The following CADPS2 variants were observed in gnomAD, a reference collection of about 807,000 sequenced individuals.
CADPS2 encodes the protein calcium dependent secretion activator 2.
CADPS2 carries 93 observed loss-of-function variants against 172.5 expected under a neutral mutation model. The observed-to-expected ratio is 0.54, with a 90% CI of 0.46 to 0.64. CADPS2 has a LOEUF of 0.64. Ranked by LOEUF, CADPS2 falls within the 30% of genes least tolerant of loss-of-function variation. CADPS2 has a pLI of 0.00. For missense variants in CADPS2, 1,420 were observed against 1,565.9 expected (o/e 0.91, Z 1.57); for synonymous variants, 546 against 555.2 (o/e 0.98, Z 0.23).
In CADPS2 at chr7:122,438,867, T is replaced by A. The variant is rs558407209; in HGVS notation, c.2353-403A>T. ...CCTAATTTAAAAGCCTTGAGTCTTT[T>A]GAGCAATATATTTGAGAACAATAAC... On this transcript the variant is annotated intron_variant, in intron 16 of 29. Transcript: ENST00000449022. Among the ~76,000 whole-genome samples the A allele has an allele frequency of 4.6e-5, 7 of 152,174 alleles. No homozygotes were observed. The South Asian group carries it at 1.2e-3, about 27-fold the overall frequency.
intron 8 of CADPS2, among the ~76,000 whole-genome samples, chr7:122,539,524 CA>C (rs1490192424): frequency 2.0e-5 from 3 of 151,918 alleles, no homozygotes; most frequent in African/African-American, 7.3e-5. Context: ...TTAAGTAAAA[CA>C]AAAGAGGGGC....
At chr7:122,359,360 A>T (rs798688) in intron 27 of CADPS2, among the ~76,000 whole-genome samples, 1 of 152,082 alleles carries the variant, frequency 6.6e-6, no homozygotes, top group Non-Finnish European at 1.5e-5. Flanking sequence ...ATTAAACAGC[A>T]CCCAAGTGAA....
intron 4 of CADPS2, among the ~76,000 whole-genome samples, chr7:122,628,598 A>C (rs1157844323): frequency 6.6e-6 from 1 of 151,610 alleles, no homozygotes; most frequent in Admixed American, 6.6e-5. Context: ...GTAAGTTAAT[A>C]AATTCACTAA....
intron 2 of CADPS2, among the ~76,000 whole-genome samples, chr7:122,674,331 G>A (rs919721894): frequency 4.6e-5 from 7 of 152,210 alleles, no homozygotes; most frequent in African/African-American, 1.7e-4. Context: ...TGGACATCGA[G>A]GCTGAGGAGG....
intron 1 of CADPS2, among the ~76,000 whole-genome samples, chr7:122,788,590 T>C (rs1794584670): frequency 6.6e-6 from 1 of 152,228 alleles, no homozygotes; most frequent in Non-Finnish European, 1.5e-5. Context: ...CCTTTGATTA[T>C]TGAGCAGCTT....
chr7:122,722,163 T>C (rs1237377944), intron 2 of CADPS2, among the ~76,000 whole-genome samples: 1 of 152,050 alleles, frequency 6.6e-6, no homozygotes, highest in Non-Finnish European at 1.5e-5. Context: ...ACCACTCCTA[T>C]TCAACATAGT....
At chr7:122,347,429 A>C (rs573310216) in intron 27 of CADPS2, among the ~76,000 whole-genome samples, 2 of 152,172 alleles carry the variant, frequency 1.3e-5, no homozygotes, top group African/African-American at 4.8e-5. Flanking sequence ...ATTTCTGTGC[A>C]GTAAGAATTA....
intron 1 of CADPS2, among the ~76,000 whole-genome samples, chr7:122,785,191 A>C (rs916095658): frequency 6.6e-6 from 1 of 152,068 alleles, no homozygotes; most frequent in African/African-American, 2.4e-5. Context: ...TTATACTTTT[A>C]TTTTTACTTT....
chr7:122,455,391 TTAA>T (rs916312649), intron 14 of CADPS2, among the ~76,000 whole-genome samples: 4 of 151,580 alleles, frequency 2.6e-5, no homozygotes, highest in Non-Finnish European at 5.9e-5. Flanking sequence ...TTTCTATTTT[TTAA>T]TAATAATATT....
chr7:122,363,324 C>A (rs1033354789), intron 25 of CADPS2, among the ~76,000 whole-genome samples: 65 of 152,284 alleles, frequency 4.3e-4, no homozygotes, highest in African/African-American at 1.5e-3. Flanking sequence ...GGTTACTAGA[C>A]AGCTTGAACC....
intron 6 of CADPS2, among the ~76,000 whole-genome samples, chr7:122,608,055 A>G (rs2073812280): frequency 6.6e-6 from 1 of 152,036 alleles, no homozygotes. Flanking sequence ...TGACTCTACT[A>G]AAACTACAAA....
chr7:122,461,876 G>C (rs1205748375), intron 14 of CADPS2, among the ~76,000 whole-genome samples: 2 of 151,624 alleles, frequency 1.3e-5, no homozygotes, highest in Non-Finnish European at 2.9e-5. Context: ...TTAAAGGTGT[G>C]AGCCACCTCG....
At chr7:122,759,068 C>T (rs554219432) in intron 1 of CADPS2, among the ~76,000 whole-genome samples, 2 of 151,558 alleles carry the variant, frequency 1.3e-5, no homozygotes, top group Admixed American at 6.6e-5. Flanking sequence ...AGTTTCAGAG[C>T]AGGAAACTAC....
chr7:122,537,670 C>A (rs1448544298), intron 8 of CADPS2, among the ~76,000 whole-genome samples: 1 of 151,578 alleles, frequency 6.6e-6, no homozygotes, highest in African/African-American at 2.4e-5. Context: ...AAAAACACAA[C>A]CCAACAATCC....
At chr7:122,351,093 T>C (rs946196544) in intron 27 of CADPS2, among the ~76,000 whole-genome samples, 2 of 151,538 alleles carry the variant, frequency 1.3e-5, no homozygotes, top group South Asian at 2.1e-4. Context: ...AGACTGGGCG[T>C]GGTGATTCAT....
At chr7:122,511,316 T>C (rs1230860597) in intron 9 of CADPS2, among the ~76,000 whole-genome samples, 1 of 152,130 alleles carries the variant, frequency 6.6e-6, no homozygotes. Flanking sequence ...AATCAAAGTA[T>C]ACATATTTGC....
chr7:122,657,446 A>C (rs2079946784), intron 3 of CADPS2, among the ~76,000 whole-genome samples: 1 of 152,102 alleles, frequency 6.6e-6, no homozygotes, highest in African/African-American at 2.4e-5. Flanking sequence ...ATGAGCATGG[A>C]ATGTTCTTCC....
At chr7:122,531,958 G>C (rs573508217) in intron 8 of CADPS2, among the ~76,000 whole-genome samples, 1 of 151,940 alleles carries the variant, frequency 6.6e-6, no homozygotes, top group East Asian at 1.9e-4. Context: ...TTGAGCCCAG[G>C]AGGCGGAGGT....
Position 122,698,425 on chromosome 7 carries a change from T to C in CADPS2, c.454-34856A>G, listed in dbSNP as rs2085478920. The C allele has an allele frequency of 1.9e-6, 3 of 1,614,038 alleles. No homozygotes were observed. The highest frequency in any genetic ancestry group is 3.3e-4 in the Middle Eastern group (2 of 6,062). On this transcript the variant is annotated intron_variant, in intron 2 of 29. Coordinates refer to ENST00000449022, the MANE Select transcript of CADPS2 (RefSeq NM_017954.11). ...AATGAGAACTCCCTTCTTAATTAAA[T>C]GGAAAATTTCCGTGCCTTTTAAGTT... is the stretch of plus-strand genomic sequence containing the variant.
Sources: allele counts gnomAD v4.1 joint callset (sites outside exome capture counted in the v4.1 genomes callset), GRCh38; gene constraint gnomAD v4.1.1; transcripts MANE v1.5; gene names NCBI Gene and HGNC (gene_info 2026-07-23, HGNC 2026-07-21).